Variants in FAM120C observed in about 807,000 individuals in gnomAD.
FAM120C encodes the protein family with sequence similarity 120 member C, also known as constitutive coactivator of PPAR-gamma-like protein 2.
In FAM120C, 14 loss-of-function variants were observed where a neutral mutation model predicts 71.2. The ratio of observed to expected loss-of-function variants is 0.20; its 90% CI spans 0.13 to 0.31. The LOEUF (loss-of-function observed/expected upper bound fraction) is 0.31. Among genes scored for constraint, FAM120C ranks in the 10% least tolerant of loss-of-function variants. FAM120C has a pLI of 1.00. For missense variants in FAM120C, 500 were observed against 879.0 expected (o/e 0.57, Z 5.45); for synonymous variants, 354 against 353.2 (o/e 1.00, Z -0.03).
intron 2 of FAM120C, 48 bp downstream of exon 2, chrX:54,159,322 A>G: frequency 8.3e-7 from 1 of 1,201,583 alleles, no homozygotes. Flanking sequence ...TCTTAACACC[A>G]GAAGAGGAAA....
At chrX:54,142,912 G>C (rs1464558584) in intron 4 of FAM120C, among the ~76,000 whole-genome samples, 2 of 111,815 alleles carry the variant, frequency 1.8e-5, no homozygotes, top group African/African-American at 6.5e-5. Flanking sequence ...GGATCAGGCA[G>C]CAACATTTGC....
At chrX:54,085,681 G>A in intron 13 of FAM120C, 34 bp downstream of exon 13, 1 of 1,138,124 alleles carries the variant, frequency 8.8e-7, no homozygotes, top group Non-Finnish European at 1.2e-6. Context: ...GACATAAATT[G>A]AGGATGGTAA....
At chrX:54,079,549 G>A (rs1371973101) in intron 15 of FAM120C, among the ~76,000 whole-genome samples, 3 of 112,417 alleles carry the variant, frequency 2.7e-5, no homozygotes, top group East Asian at 5.6e-4. Context: ...CTGTAATCCA[G>A]CACTTCGGGA....
chrX:54,163,222 A>G (rs781909258), intron 1 of FAM120C, among the ~76,000 whole-genome samples: 90 of 112,406 alleles, frequency 8.0e-4, no homozygotes, highest in African/African-American at 2.6e-3. Flanking sequence ...CTTGTACATG[A>G]AAGTTCACAG....
chrX:54,082,916 G>A (rs781862606), intron 13 of FAM120C, among the ~76,000 whole-genome samples: 2 of 108,322 alleles, frequency 1.8e-5, no homozygotes, highest in Admixed American at 9.9e-5. Flanking sequence ...TCAGGAGTTC[G>A]AGACCAGCCT....
chrX:54,125,493 A>C, intron 9 of FAM120C, among the ~76,000 whole-genome samples: 1 of 111,530 alleles, frequency 9.0e-6, no homozygotes, highest in Non-Finnish European at 1.9e-5. Context: ...TTTAGCAGAG[A>C]TGGGGTCTCT....
intron 3 of FAM120C, among the ~76,000 whole-genome samples, chrX:54,155,506 G>A (rs2067204936): frequency 9.0e-6 from 1 of 111,461 alleles, no homozygotes; most frequent in Non-Finnish European, 1.9e-5. Context: ...TTATACTGGT[G>A]ACCCTGTTGA....
intron 1 of FAM120C, among the ~76,000 whole-genome samples, chrX:54,169,436 A>C (rs782085011): frequency 9.8e-5 from 11 of 112,386 alleles, no homozygotes; most frequent in Non-Finnish European, 1.9e-4. Flanking sequence ...TTGTAAGCCC[A>C]TTAGTGGCAG....
chrX:54,104,534 G>A (rs1557124529), intron 10 of FAM120C, among the ~76,000 whole-genome samples: 1 of 111,909 alleles, frequency 8.9e-6, no homozygotes, highest in Admixed American at 9.6e-5. Flanking sequence ...GAGGCCGGGT[G>A]TGGTGGCTCA....
At chrX:54,096,461 A>T (rs1603353342) in intron 10 of FAM120C, among the ~76,000 whole-genome samples, 1 of 112,097 alleles carries the variant, frequency 8.9e-6, no homozygotes, top group East Asian at 2.8e-4. Context: ...TACCATTTAG[A>T]TATAAGCACT....
intron 4 of FAM120C, among the ~76,000 whole-genome samples, chrX:54,150,303 G>T (rs1466933073): frequency 2.7e-5 from 3 of 111,771 alleles, no homozygotes; most frequent in Non-Finnish European, 5.6e-5. Flanking sequence ...TTATAATAAA[G>T]TATTGAATAT....
At chrX:54,158,194 C>A (rs2067219420) in intron 2 of FAM120C, among the ~76,000 whole-genome samples, 1 of 112,337 alleles carries the variant, frequency 8.9e-6, no homozygotes, top group Non-Finnish European at 1.9e-5. Context: ...ATTTTGTACA[C>A]TTTATTTCAT....
chrX:54,130,006 C>G (rs936035551), intron 9 of FAM120C, among the ~76,000 whole-genome samples: 2 of 100,329 alleles, frequency 2.0e-5, no homozygotes, highest in Non-Finnish European at 4.0e-5. Flanking sequence ...AGAGGGAGAC[C>G]GTGGAAAGAG....
chrX:54,141,732 A>G (rs1177077177), intron 4 of FAM120C, among the ~76,000 whole-genome samples: 2 of 111,063 alleles, frequency 1.8e-5, no homozygotes, highest in Non-Finnish European at 3.8e-5. Flanking sequence ...TCTACCAAAA[A>G]ACTCCTAGAA....
In FAM120C at chrX:54,080,303, GA is replaced by G. The variant is rs1603351624; in HGVS notation, c.2979-15del. 1 of 1,181,506 alleles carries G rather than the reference GA, an allele frequency of 8.5e-7. No homozygotes were observed. Among genetic ancestry groups the G allele is most frequent in the Non-Finnish European group, 1.1e-6 (1 of 871,250 alleles). Reference sequence around the variant, plus strand: ...TCTTTTCCATGCCTTTAGCAAGTGAGAAAAAAAGTGATCATGAGAAACATAA... The same window carrying G: ...TCTTTTCCATGCCTTTAGCAAGTGAGAAAAAAGTGATCATGAGAAACATAA... On this transcript the variant is annotated splice_polypyrimidine_tract_variant and intron_variant, in intron 14 of 15. Coordinates refer to ENST00000375180, the MANE Select transcript of FAM120C (RefSeq NM_017848.6).
chrX:54,182,393 TG>T, intron 1 of FAM120C, 106 bp downstream of exon 1: 1 of 938,897 alleles, frequency 1.1e-6, no homozygotes, highest in Non-Finnish European at 1.4e-6. Flanking sequence ...GGTAGGTGGG[TG>T]GGTAGATGGG....
chrX:54,081,375 C>T lies in FAM120C; in HGVS notation c.2925G>A (p.Arg975=). 1 of 1,209,048 alleles carries T rather than the reference C, an allele frequency of 8.3e-7. No individual in the cohort carries two copies. Among genetic ancestry groups the T allele is most frequent in the Non-Finnish European group, 1.1e-6 (1 of 894,400 alleles). ...VGQWAGSRSS[R]GRGSFGMQVV... ...CTTGCATGCCGAAGGATCCTCGGCCCCTGGAGGATCTGCTGCCAGCCCACT... is the reference window on the plus strand; with the variant it reads ...CTTGCATGCCGAAGGATCCTCGGCCTCTGGAGGATCTGCTGCCAGCCCACT... The change falls in exon 14 of 16, where the codon AGG becomes AGA. Residue 975 remains arginine, a synonymous_variant. Coordinates refer to ENST00000375180, the MANE Select transcript of FAM120C (RefSeq NM_017848.6).
At chrX:54,132,383 G>T (rs1011778233) in intron 9 of FAM120C, among the ~76,000 whole-genome samples, 18 of 109,215 alleles carry the variant, frequency 1.6e-4, no homozygotes, top group Non-Finnish European at 9.5e-5. Context: ...TTGCCACGTT[G>T]CCCAGGCTGG....
chrX:54,159,705 T>C, intron 1 of FAM120C, 89 bp from the exon 2 acceptor site: 1 of 980,608 alleles, frequency 1.0e-6, no homozygotes, highest in Non-Finnish European at 1.4e-6. Flanking sequence ...ATTTTATAGT[T>C]TGGTGAAATT....
Sources: gnomAD v4.1 joint callset for allele counts (sites outside exome capture counted in the v4.1 genomes callset) on GRCh38, gnomAD v4.1.1 for gene constraint, MANE v1.5 for transcripts, NCBI Gene and HGNC (gene_info 2026-07-23, HGNC 2026-07-21) for gene names.